Variants in PRKN observed in about 807,000 individuals in gnomAD.
PRKN encodes the protein parkin RBR E3 ubiquitin protein ligase, also known as E3 ubiquitin-protein ligase parkin.
In PRKN, 56 loss-of-function variants were observed where a neutral mutation model predicts 59.5. That is an observed-to-expected ratio of 0.94 (90% CI 0.76 to 1.18). The LOEUF is 1.18. Ranked by LOEUF, PRKN falls within the 50% of genes most tolerant of loss-of-function variation. The pLI is 0.00. For synonymous variants in PRKN, 250 were observed against 222.1 expected, an observed-to-expected ratio of 1.13 and a Z score of -1.12; for missense variants, 657 against 596.4, an observed-to-expected ratio of 1.10 and a Z score of -1.06.
At chr6:162,088,474 C>T (rs978822347) in intron 4 of PRKN, among the ~76,000 whole-genome samples, 3 of 152,018 alleles carry the variant, frequency 2.0e-5, no homozygotes, top group Non-Finnish European at 4.4e-5. Flanking sequence ...AAGATAATTG[C>T]ATTTATTAGA....
At chr6:161,895,217 C>T (rs1777566300) in intron 6 of PRKN, among the ~76,000 whole-genome samples, 1 of 152,154 alleles carries the variant, frequency 6.6e-6, no homozygotes, top group Admixed American at 6.5e-5. Context: ...TACTAAACAC[C>T]CTGGTAAAGC....
At chr6:162,624,483 A>C (rs1261544898) in intron 1 of PRKN, 3 of 152,228 alleles carry the variant, frequency 2.0e-5, no homozygotes, top group African/African-American at 7.2e-5. Flanking sequence ...ATGGTTTCTA[A>C]TATCGGAGTT....
chr6:162,643,384 C>T (rs1221410856), intron 1 of PRKN, among the ~76,000 whole-genome samples: 1 of 97,322 alleles, frequency 1.0e-5, no homozygotes, highest in Admixed American at 1.6e-4. Flanking sequence ...GGTGACAGAG[C>T]AAGACTCTGC....
chr6:162,165,928 G>A (rs1782959089), intron 4 of PRKN, among the ~76,000 whole-genome samples: 1 of 151,438 alleles, frequency 6.6e-6, no homozygotes, highest in Non-Finnish European at 1.5e-5. Flanking sequence ...GGCACCTGTA[G>A]TCTCAGCTAC....
At chr6:161,481,849 T>A (rs1036872770) in intron 9 of PRKN, among the ~76,000 whole-genome samples, 1 of 151,954 alleles carries the variant, frequency 6.6e-6, no homozygotes, top group Non-Finnish European at 1.5e-5. Context: ...TCTCTTCATA[T>A]AAACTTAGTT....
At chr6:161,427,322 G>T (rs745635960) in intron 9 of PRKN, among the ~76,000 whole-genome samples, 4 of 152,038 alleles carry the variant, frequency 2.6e-5, no homozygotes, top group Non-Finnish European at 5.9e-5. Context: ...TGCTTTATGC[G>T]AATCATCTTT....
intron 9 of PRKN, among the ~76,000 whole-genome samples, chr6:161,426,226 C>G (rs978325966): frequency 6.6e-6 from 1 of 152,116 alleles, no homozygotes; most frequent in Non-Finnish European, 1.5e-5. Flanking sequence ...GCTGAAGTAC[C>G]TCAGGGATAT....
At chr6:162,694,981 C>G (rs909164560) in intron 1 of PRKN, 16 of 152,176 alleles carry the variant, frequency 1.1e-4, no homozygotes, top group African/African-American at 3.1e-4. Flanking sequence ...CTTTTCATCT[C>G]TAAAGCTTTG....
chr6:162,474,038 T>C (rs1256019049), intron 1 of PRKN, among the ~76,000 whole-genome samples: 2 of 152,166 alleles, frequency 1.3e-5, no homozygotes, highest in South Asian at 2.1e-4. Context: ...AAAGGTAATG[T>C]GGGTGATTCC....
At chr6:161,455,904 T>C (rs954900826) in intron 9 of PRKN, among the ~76,000 whole-genome samples, 5 of 150,960 alleles carry the variant, frequency 3.3e-5, no homozygotes, top group African/African-American at 4.9e-5. Flanking sequence ...AATAAATACA[T>C]ATACACATAC....
chr6:161,961,607 GC>G (rs1205638797), intron 6 of PRKN, among the ~76,000 whole-genome samples: 1 of 152,136 alleles, frequency 6.6e-6, no homozygotes, highest in Non-Finnish European at 1.5e-5. Context: ...GCTTGAACTA[GC>G]CCGGTTCCGT....
In PRKN at chr6:161,391,309, G is replaced by A. The variant is rs1786494009; in HGVS notation, c.1084-4432C>T. ...TGCATAATACCTCTCCAAACCTTAT[G>A]AGTCAACATTAACCGAATGGAAGTT... On this transcript the variant is annotated intron_variant, in intron 9 of 11. Coordinates refer to ENST00000366898, the MANE Select transcript of PRKN (RefSeq NM_004562.3). This position sits in a 1 kb window ranked among gnomAD's most constrained non-coding sequence, Gnocchi z 4.9. 6.6e-6 allele frequency among the ~76,000 whole-genome samples: 1 copy of A among 151,990 alleles called. No individual in the cohort carries two copies. Among genetic ancestry groups the A allele is most frequent in the Admixed American group, 6.5e-5 (1 of 15,270 alleles).
chr6:161,847,243 G>A (rs1200506775), intron 6 of PRKN, among the ~76,000 whole-genome samples: 2 of 152,156 alleles, frequency 1.3e-5, no homozygotes, highest in African/African-American at 2.4e-5. Flanking sequence ...GGGAGTTGGA[G>A]GTTGCAGTGA....
chr6:162,139,373 C>T (rs767686778), intron 4 of PRKN, among the ~76,000 whole-genome samples: 14 of 152,100 alleles, frequency 9.2e-5, no homozygotes, highest in South Asian at 4.1e-4. Context: ...CCTTGAAGAG[C>T]GGACAACTGT....
intron 6 of PRKN, among the ~76,000 whole-genome samples, chr6:161,834,696 A>G (rs1164417653): frequency 6.6e-6 from 1 of 152,234 alleles, no homozygotes; most frequent in Non-Finnish European, 1.5e-5. Flanking sequence ...AAAAATGAGG[A>G]TGATGATATC....
At chr6:162,411,772 G>A (rs921653545) in intron 2 of PRKN, among the ~76,000 whole-genome samples, 3 of 152,088 alleles carry the variant, frequency 2.0e-5, no homozygotes, top group South Asian at 2.1e-4. Flanking sequence ...GAAGCAAACT[G>A]AGTACCTTTC....
At chr6:161,426,081 G>A (rs75423211) in intron 9 of PRKN, among the ~76,000 whole-genome samples, 5,878 of 152,096 alleles carry the variant, frequency 0.039, 128 homozygotes, top group Middle Eastern at 0.048. Context: ...TGTGTACAGC[G>A]TTGTAGGAGC....
chr6:162,681,886 A>T (rs1779783186), intron 1 of PRKN, among the ~76,000 whole-genome samples: 3 of 152,180 alleles, frequency 2.0e-5, no homozygotes, highest in South Asian at 4.1e-4. Flanking sequence ...TGTTTTCAAT[A>T]AATCTCTGCT....
intron 10 of PRKN, among the ~76,000 whole-genome samples, chr6:161,368,611 G>A (rs1225273190): frequency 6.6e-6 from 1 of 151,576 alleles, no homozygotes; most frequent in Non-Finnish European, 1.5e-5. Flanking sequence ...TTGTGGTAAA[G>A]ACAGTGGGAG....
Sources: gnomAD v4.1 joint callset for allele counts (sites outside exome capture counted in the v4.1 genomes callset) on GRCh38, gnomAD v4.1.1 for gene constraint, Gnocchi (gnomAD v3.1) non-coding constraint, MANE v1.5 for transcripts, NCBI Gene and HGNC (gene_info 2026-07-23, HGNC 2026-07-21) for gene names.